Variants in STON2 observed in about 807,000 individuals in gnomAD.
The protein encoded by STON2 is stonin 2, also known as stonin-2.
Under a neutral mutation model 65.7 loss-of-function variants are expected in STON2, and 29 were observed. The ratio of observed to expected loss-of-function variants is 0.44; its 90% CI spans 0.33 to 0.60. The LOEUF (loss-of-function observed/expected upper bound fraction) is 0.60, where lower values mean the gene tolerates loss of function less well. Among genes scored for constraint, STON2 ranks in the 20% least tolerant of loss-of-function variants. The pLI is 0.03. For missense variants in STON2, 1,054 were observed against 1,118.1 expected (o/e 0.94, Z 0.82); for synonymous variants, 404 against 414.2 (o/e 0.98, Z 0.30).
intron 5 of STON2, among the ~76,000 whole-genome samples, chr14:81,307,494 T>A (rs921562156): frequency 1.3e-5 from 2 of 152,198 alleles, no homozygotes; most frequent in African/African-American, 4.8e-5. Context: ...AAATCTGGAA[T>A]CCAAATGTCA....
At chr14:81,385,431 G>A (rs182219539) in intron 3 of STON2, among the ~76,000 whole-genome samples, 1 of 151,540 alleles carries the variant, frequency 6.6e-6, no homozygotes, top group African/African-American at 2.4e-5. Flanking sequence ...ATGTATGTAT[G>A]TGTGTATGTA....
intron 4 of STON2, among the ~76,000 whole-genome samples, chr14:81,349,872 T>A (rs528492919): frequency 5.9e-5 from 9 of 152,156 alleles, no homozygotes; most frequent in Admixed American, 1.3e-4. Flanking sequence ...GTGGCATACA[T>A]ACACAATGGA....
intron 4 of STON2, among the ~76,000 whole-genome samples, chr14:81,369,422 C>G (rs766871635): frequency 1.3e-5 from 2 of 152,132 alleles, no homozygotes; most frequent in Admixed American, 1.3e-4. Context: ...CAACTTTCAT[C>G]TAATAAGAAA....
intron 4 of STON2, among the ~76,000 whole-genome samples, chr14:81,330,343 G>T (rs919200413): frequency 4.6e-5 from 7 of 152,142 alleles, no homozygotes; most frequent in African/African-American, 1.7e-4. Flanking sequence ...CCCTCCCTTT[G>T]TGTGCCAGGC....
intron 2 of STON2, among the ~76,000 whole-genome samples, chr14:81,426,115 T>G (rs781354548): frequency 6.6e-6 from 1 of 152,222 alleles, no homozygotes; most frequent in Non-Finnish European, 1.5e-5. Context: ...GATGGGCATT[T>G]TTAACCACCA....
At chr14:81,423,494 A>G (rs1901816722) in intron 2 of STON2, among the ~76,000 whole-genome samples, 1 of 152,088 alleles carries the variant, frequency 6.6e-6, no homozygotes, top group Non-Finnish European at 1.5e-5. Context: ...AAACAAAACA[A>G]AATTATTCCA....
chr14:81,265,575 G>T lies in STON2; in HGVS notation c.*2839C>A, dbSNP rs1007378348. 2 of 334,924 alleles carry T rather than the reference G, an allele frequency of 6.0e-6. No individual in the cohort carries two copies. Among genetic ancestry groups the T allele is most frequent in the Non-Finnish European group, 8.5e-6 (2 of 235,694 alleles). 20.7% of individuals were successfully genotyped at this position (334,924 alleles called of 1,614,324 possible). ...GAGGCTGAGGCAGGAGATTTGGGAG[G>T]CAGAGGTTGCAATGAGCCGAGATCA... On this transcript the variant is annotated 3_prime_UTR_variant, in exon 8 of 8. Transcript: ENST00000614646.
chr14:81,385,955 G>A (rs1454700550), intron 3 of STON2, among the ~76,000 whole-genome samples: 1 of 152,188 alleles, frequency 6.6e-6, no homozygotes, highest in East Asian at 1.9e-4. Flanking sequence ...CTGCAGAGGC[G>A]ATGCTTGAGC....
chr14:81,357,360 A>G (rs1898286227), intron 4 of STON2, among the ~76,000 whole-genome samples: 3 of 152,242 alleles, frequency 2.0e-5, no homozygotes, highest in Admixed American at 2.0e-4. Flanking sequence ...AAATCATCTC[A>G]CACCAATTAG....
chr14:81,313,464 TCA>T (rs1398447530), intron 5 of STON2, among the ~76,000 whole-genome samples: 1 of 151,578 alleles, frequency 6.6e-6, no homozygotes, highest in Non-Finnish European at 1.5e-5. Flanking sequence ...TCACAACTCT[TCA>T]GTCTCACAGT....
At chr14:81,410,475 AAATCTAATT>A (rs1250199092) in intron 2 of STON2, among the ~76,000 whole-genome samples, 1 of 152,148 alleles carries the variant, frequency 6.6e-6, no homozygotes, top group Non-Finnish European at 1.5e-5. Context: ...CAGGTGAGCC[AAATCTAATT>A]AATGAGCTCT....
chr14:81,350,500 C>G (rs1218689790), intron 4 of STON2, among the ~76,000 whole-genome samples: 1 of 150,566 alleles, frequency 6.6e-6, no homozygotes, highest in Non-Finnish European at 1.5e-5. Flanking sequence ...AAAAAACTTT[C>G]AGAGAGGAAT....
intron 3 of STON2, among the ~76,000 whole-genome samples, chr14:81,387,790 G>A (rs552964665): frequency 7.3e-5 from 11 of 151,082 alleles, no homozygotes; most frequent in Non-Finnish European, 1.2e-4. Context: ...AACTCAGGAC[G>A]CTGAGGCAGG....
At chr14:81,268,597 A>G (rs1366776091) in intron 7 of STON2, 100 bp from the exon 8 acceptor site, 2 of 1,262,210 alleles carry the variant, frequency 1.6e-6, no homozygotes, top group East Asian at 5.6e-5. Context: ...GAAATTTCTT[A>G]TAATTTTGCT....
At chr14:81,409,763 C>G (rs1411554187) in intron 2 of STON2, among the ~76,000 whole-genome samples, 1 of 152,182 alleles carries the variant, frequency 6.6e-6, no homozygotes, top group Non-Finnish European at 1.5e-5. Context: ...ATTCTGCCTT[C>G]TAGAAATGAG....
chr14:81,433,594 GCCATGTGAGTTACCTTGA>G (rs1403310910), intron 1 of STON2, among the ~76,000 whole-genome samples: 1 of 152,214 alleles, frequency 6.6e-6, no homozygotes, highest in African/African-American at 2.4e-5. Flanking sequence ...AGCAGACTTT[GCCATGTGAGTTACCTTGA>G]CCAACAGCAT....
chr14:81,415,319 G>A (rs1168542675), intron 2 of STON2, among the ~76,000 whole-genome samples: 1 of 151,740 alleles, frequency 6.6e-6, no homozygotes, highest in Non-Finnish European at 1.5e-5. Context: ...TGAGGCCAGA[G>A]AGGTTAAGTA....
intron 4 of STON2, among the ~76,000 whole-genome samples, chr14:81,354,818 A>G (rs1432041665): frequency 6.6e-6 from 1 of 152,126 alleles, no homozygotes; most frequent in Non-Finnish European, 1.5e-5. Context: ...GGAGTTCAAG[A>G]CCAGCCTGGG....
intron 5 of STON2, among the ~76,000 whole-genome samples, chr14:81,318,846 AT>A (rs1435284408): frequency 1.3e-5 from 2 of 152,232 alleles, no homozygotes; most frequent in African/African-American, 4.8e-5. Flanking sequence ...ATCTCAAAAA[AT>A]ATAATAAAAA....
Sources: gnomAD v4.1 joint callset for allele counts (sites outside exome capture counted in the v4.1 genomes callset) on GRCh38, gnomAD v4.1.1 for gene constraint, MANE v1.5 for transcripts, NCBI Gene and HGNC (gene_info 2026-07-23, HGNC 2026-07-21) for gene names.